The following CISD2 variants were observed in gnomAD, a reference collection of about 807,000 sequenced individuals.
The protein encoded by CISD2 is CDGSH iron sulfur domain 2.
A neutral mutation model predicts 12.9 loss-of-function variants in CISD2; 1 was observed. That is an observed-to-expected ratio of 0.08 (90% CI 0.03 to 0.37). CISD2 has a LOEUF of 0.37. Ranked by LOEUF, CISD2 falls within the 10% of genes least tolerant of loss-of-function variation. The probability of loss-of-function intolerance (pLI) is 0.99; values close to 1 mark genes in which losing one functional copy is unlikely to be tolerated. For missense variants in CISD2, 97 were observed against 163.1 expected (o/e 0.59, Z 2.21); for synonymous variants, 50 against 60.6 (o/e 0.83, Z 0.81).
At chr4:102,885,156 C>G in intron 1 of CISD2, 60 bp from the exon 2 acceptor site, 1 of 1,281,322 alleles carries the variant, frequency 7.8e-7, no homozygotes, top group Non-Finnish European at 1.1e-6. Context: ...TGAAACTAGA[C>G]ATGCTATTTT....
intron 1 of CISD2, among the ~76,000 whole-genome samples, chr4:102,871,325 C>G (rs964977154): frequency 6.6e-6 from 1 of 152,132 alleles, no homozygotes; most frequent in Non-Finnish European, 1.5e-5. Flanking sequence ...AACCTTTTCT[C>G]TCTTAAGAAT....
intron 1 of CISD2, among the ~76,000 whole-genome samples, chr4:102,877,456 G>C (rs1407448819): frequency 6.6e-6 from 1 of 152,244 alleles, no homozygotes; most frequent in East Asian, 1.9e-4. Flanking sequence ...ACTGATGCCA[G>C]GGGTAGGCTC....
chr4:102,886,870 C>T (rs1733951668), intron 2 of CISD2, among the ~76,000 whole-genome samples: 1 of 152,212 alleles, frequency 6.6e-6, no homozygotes, highest in Non-Finnish European at 1.5e-5. Context: ...CTACCTCTGC[C>T]TCTGAAAGTG....
At chr4:102,886,124 A>G (rs1342134648) in intron 2 of CISD2, among the ~76,000 whole-genome samples, 1 of 152,232 alleles carries the variant, frequency 6.6e-6, no homozygotes, top group Non-Finnish European at 1.5e-5. Context: ...TTTAAAGGAT[A>G]TATAATGACA....
At chr4:102,874,362 C>T (rs1733542223) in intron 1 of CISD2, 1 of 152,176 alleles carries the variant, frequency 6.6e-6, no homozygotes, top group Non-Finnish European at 1.5e-5. Flanking sequence ...GGGTTGAAGA[C>T]TATTGGGTAC....
intron 1 of CISD2, among the ~76,000 whole-genome samples, chr4:102,877,054 G>A (rs1246158518): frequency 1.3e-5 from 2 of 152,118 alleles, no homozygotes; most frequent in Non-Finnish European, 2.9e-5. Context: ...GTGAGATTTG[G>A]GTGGGGACAC....
At position 102,870,594 on chromosome 4, in the gene CISD2, C is replaced by T. The variant is rs904824016; in HGVS notation, c.103+1407C>T. 4.6e-5 allele frequency among the ~76,000 whole-genome samples: 7 copies of T among 152,096 alleles called. No homozygotes were observed. The East Asian group carries it at 9.6e-4, about 21-fold the overall frequency. On this transcript the variant is annotated intron_variant, in intron 1 of 2. Coordinates refer to ENST00000273986, the MANE Select transcript of CISD2 (RefSeq NM_001008388.5). Reference sequence around the variant, plus strand: ...TAGAAAGCATGGTAACAATAATAAACATTAAAAAGGAACATTAAACATCAG... The same window carrying T: ...TAGAAAGCATGGTAACAATAATAAATATTAAAAAGGAACATTAAACATCAG...
intron 1 of CISD2, among the ~76,000 whole-genome samples, chr4:102,873,127 C>A (rs927734583): frequency 6.6e-6 from 1 of 152,180 alleles, no homozygotes; most frequent in African/African-American, 2.4e-5. Flanking sequence ...ATACCACACC[C>A]ATAATCCAAT....
At chr4:102,876,036 C>A (rs1733584286) in intron 1 of CISD2, among the ~76,000 whole-genome samples, 1 of 152,150 alleles carries the variant, frequency 6.6e-6, no homozygotes, top group East Asian at 1.9e-4. Context: ...CTTATGTCAT[C>A]CTTTATTTCC....
At chr4:102,869,343 C>T (rs1262333270) in intron 1 of CISD2, 156 bp downstream of exon 1, 2 of 982,438 alleles carry the variant, frequency 2.0e-6, no homozygotes, top group East Asian at 2.6e-5. Context: ...GACGCAGCTG[C>T]CTGGGGAACG....
chr4:102,872,531 T>C (rs1303882307), intron 1 of CISD2, among the ~76,000 whole-genome samples: 1 of 152,208 alleles, frequency 6.6e-6, no homozygotes, highest in East Asian at 1.9e-4. Flanking sequence ...ATTATTTTTA[T>C]GGTATCATAA....
intron 1 of CISD2, chr4:102,869,612 G>A: frequency 3.0e-6 from 2 of 668,828 alleles, no homozygotes; most frequent in Non-Finnish European, 5.4e-6. Flanking sequence ...CCCTCAGCAT[G>A]TGGGTGGGAG....
At chr4:102,885,483 C>T (rs750145201) in intron 2 of CISD2, 53 bp downstream of exon 2, 97 of 1,388,540 alleles carry the variant, frequency 7.0e-5, no homozygotes, top group Middle Eastern at 2.0e-4. Flanking sequence ...AGGATTGTTT[C>T]GCCTCTTAAA....
rs914185646 is a variant in CISD2 at position 102,891,767 on chromosome 4, G to A, written c.*4337G>A. 1.3e-5 allele frequency: 2 copies of A among 152,164 alleles called. No homozygotes were observed. Among genetic ancestry groups the A allele is most frequent in the Non-Finnish European group, 2.9e-5 (2 of 68,034 alleles). 9.4% of individuals were successfully genotyped at this position (152,164 alleles called of 1,614,324 possible). On this transcript the variant is annotated 3_prime_UTR_variant, in exon 3 of 3. Coordinates refer to ENST00000273986, the MANE Select transcript of CISD2 (RefSeq NM_001008388.5). ...AGTTTGAGGAAAACTAAATAAAGCA[G>A]TAGCAATTTAAGTCATAATAAATTT...
intron 1 of CISD2, among the ~76,000 whole-genome samples, chr4:102,873,452 T>C (rs1211173394): frequency 6.6e-6 from 1 of 151,910 alleles, no homozygotes; most frequent in African/African-American, 2.4e-5. Flanking sequence ...TTTTGTATCT[T>C]ATTTTAGAGA....
chr4:102,886,660 G>C (rs1733937425), intron 2 of CISD2, among the ~76,000 whole-genome samples: 1 of 151,664 alleles, frequency 6.6e-6, no homozygotes, highest in South Asian at 2.1e-4. Context: ...CTGTCACTCA[G>C]GCTGAAGTGT....
At chr4:102,869,922 A>T (rs1403742053) in intron 1 of CISD2, among the ~76,000 whole-genome samples, 1 of 152,238 alleles carries the variant, frequency 6.6e-6, no homozygotes, top group Non-Finnish European at 1.5e-5. Context: ...CACACAACTC[A>T]TGAGGATTTC....
intron 2 of CISD2, among the ~76,000 whole-genome samples, 167 bp downstream of exon 2, chr4:102,885,597 C>T (rs1190819307): frequency 1.3e-5 from 2 of 152,242 alleles, no homozygotes; most frequent in African/African-American, 2.4e-5. Context: ...TAGATACTAC[C>T]TACATTAGAA....
At chr4:102,886,648 C>T (rs1297083134) in intron 2 of CISD2, among the ~76,000 whole-genome samples, 1 of 151,954 alleles carries the variant, frequency 6.6e-6, no homozygotes, top group Non-Finnish European at 1.5e-5. Context: ...CAGAGTCTTG[C>T]TCTGTCACTC....
Sources: gnomAD v4.1 joint callset for allele counts (sites outside exome capture counted in the v4.1 genomes callset) on GRCh38, gnomAD v4.1.1 for gene constraint, MANE v1.5 for transcripts, NCBI Gene and HGNC (gene_info 2026-07-23, HGNC 2026-07-21) for gene names.